Variants in CCSER1 observed in about 807,000 individuals in gnomAD.
The protein encoded by CCSER1 is coiled-coil serine rich protein 1.
In CCSER1, 41 loss-of-function variants were observed where a neutral mutation model predicts 82.0. The ratio of observed to expected loss-of-function variants is 0.50; its 90% CI spans 0.39 to 0.65. The LOEUF (loss-of-function observed/expected upper bound fraction) is 0.65, where lower values mean the gene tolerates loss of function less well. Ranked by LOEUF, CCSER1 falls within the 30% of genes least tolerant of loss-of-function variation. The pLI is 0.00. For synonymous variants in CCSER1, 414 were observed against 383.9 expected, an observed-to-expected ratio of 1.08 and a Z score of -0.92; for missense variants, 1,119 against 1,064.2, an observed-to-expected ratio of 1.05 and a Z score of -0.72.
intron 9 of CCSER1, among the ~76,000 whole-genome samples, chr4:90,959,875 A>T (rs1347415438): frequency 2.0e-5 from 3 of 151,804 alleles, no homozygotes; most frequent in African/African-American, 7.3e-5. Context: ...CTGTCATTTA[A>T]TACACATGCT....
At chr4:90,193,920 A>G (rs934925080) in intron 1 of CCSER1, among the ~76,000 whole-genome samples, 3 of 152,088 alleles carry the variant, frequency 2.0e-5, no homozygotes, top group African/African-American at 7.2e-5. Context: ...TTCTCTATTT[A>G]ACATATTTGG....
chr4:91,199,784 T>A (rs4692962), intron 10 of CCSER1, among the ~76,000 whole-genome samples: 61,150 of 151,600 alleles, frequency 0.4, 13,047 homozygotes, highest in East Asian at 0.86. Context: ...ACAAGAAATC[T>A]ATCTTATTTG....
intron 10 of CCSER1, among the ~76,000 whole-genome samples, chr4:91,447,945 T>C (rs1755661555): frequency 6.6e-6 from 1 of 152,080 alleles, no homozygotes; most frequent in Non-Finnish European, 1.5e-5. Flanking sequence ...ATTAAGTGTA[T>C]ATTATGTTTT....
intron 1 of CCSER1, among the ~76,000 whole-genome samples, chr4:90,292,490 T>C (rs766634274): frequency 3.3e-5 from 5 of 151,924 alleles, no homozygotes; most frequent in Non-Finnish European, 7.4e-5. Flanking sequence ...TATTAATGAA[T>C]GTGATCATTA....
chr4:91,246,397 T>G (rs1264578706), intron 10 of CCSER1, among the ~76,000 whole-genome samples: 1 of 152,064 alleles, frequency 6.6e-6, no homozygotes, highest in African/African-American at 2.4e-5. Context: ...AGCGAGAAAT[T>G]AAAGCATATC....
At chr4:91,122,896 A>T (rs983768188) in intron 10 of CCSER1, among the ~76,000 whole-genome samples, 1 of 151,754 alleles carries the variant, frequency 6.6e-6, no homozygotes, top group African/African-American at 2.4e-5. Flanking sequence ...GTTAATTAAC[A>T]TCTTACAATG....
chr4:90,283,531 C>T (rs1729258195), intron 1 of CCSER1, among the ~76,000 whole-genome samples: 1 of 151,980 alleles, frequency 6.6e-6, no homozygotes, highest in African/African-American at 2.4e-5. Flanking sequence ...CAGTTCCACT[C>T]TTCTAGTAAT....
chr4:90,139,187 A>G (rs1724263474), intron 1 of CCSER1, among the ~76,000 whole-genome samples: 1 of 152,222 alleles, frequency 6.6e-6, no homozygotes, highest in East Asian at 1.9e-4. Flanking sequence ...GGACTAAGTC[A>G]TCATAGAGAA....
chr4:91,237,699 G>A (rs554809118), intron 10 of CCSER1, among the ~76,000 whole-genome samples: 1 of 152,178 alleles, frequency 6.6e-6, no homozygotes, highest in Admixed American at 6.5e-5. Flanking sequence ...CTCTAGATTG[G>A]GGAGAGAGAG....
At chr4:90,414,625 T>C (rs1755516866) in intron 4 of CCSER1, among the ~76,000 whole-genome samples, 1 of 152,178 alleles carries the variant, frequency 6.6e-6, no homozygotes, top group Non-Finnish European at 1.5e-5. Flanking sequence ...TTGTATAGTA[T>C]TGTTTTTGTC....
At chr4:91,079,696 T>C (rs886659540) in intron 9 of CCSER1, among the ~76,000 whole-genome samples, 2 of 152,100 alleles carry the variant, frequency 1.3e-5, no homozygotes, top group Non-Finnish European at 2.9e-5. Flanking sequence ...GAGACAAATA[T>C]AGGCTCAAAA....
intron 10 of CCSER1, among the ~76,000 whole-genome samples, chr4:91,298,675 A>G (rs1251345576): frequency 6.6e-6 from 1 of 152,028 alleles, no homozygotes; most frequent in African/African-American, 2.4e-5. Flanking sequence ...CCTTCTTTAC[A>G]GTTTTAAGTT....
chr4:90,229,746 C>T (rs553214948), intron 1 of CCSER1, among the ~76,000 whole-genome samples: 8 of 152,028 alleles, frequency 5.3e-5, no homozygotes, highest in East Asian at 1.9e-4. Context: ...CAGAGACACA[C>T]GTAGGCTCAA....
intron 7 of CCSER1, among the ~76,000 whole-genome samples, chr4:90,803,028 G>C (rs1718707263): frequency 6.6e-6 from 1 of 151,832 alleles, no homozygotes; most frequent in South Asian, 2.1e-4. Flanking sequence ...AAATCTTACA[G>C]TAAAGCCCTC....
intron 10 of CCSER1, among the ~76,000 whole-genome samples, chr4:91,229,181 G>T (rs2149112158): frequency 6.6e-6 from 1 of 151,570 alleles, no homozygotes; most frequent in African/African-American, 2.4e-5. Context: ...ACAAAACCTT[G>T]TGTTTTACAG....
chr4:91,044,402 C>T (rs975150910), intron 9 of CCSER1, among the ~76,000 whole-genome samples: 3 of 152,144 alleles, frequency 2.0e-5, no homozygotes, highest in South Asian at 4.1e-4. Context: ...CTTTGCAGCG[C>T]ACAAAATGTT....
rs773838242 is a variant in CCSER1, at chr4:90,895,434, T to G, written c.2095-27936T>G. Among the ~76,000 whole-genome samples the G allele has an allele frequency of 1.4e-4, 21 of 151,906 alleles. 1 individual carries two copies. The highest frequency in any genetic ancestry group is 2.4e-4 in the Non-Finnish European group (16 of 67,900). On this transcript the variant is annotated intron_variant, in intron 8 of 10. Coordinates refer to ENST00000509176, the MANE Select transcript of CCSER1 (RefSeq NM_001145065.2). ...AATTGTTTACAAGAGATTGGTAACA[T>G]TAGACAACTCAAACTGGGTTGTTCT...
intron 10 of CCSER1, among the ~76,000 whole-genome samples, chr4:91,350,842 A>G (rs6532301): frequency 0.68 from 102,650 of 151,758 alleles, 35,390 homozygotes; most frequent in East Asian, 0.89. Flanking sequence ...TGATGTTACA[A>G]TGGTTAATTT....
At chr4:91,253,193 A>G (rs1292499469) in intron 10 of CCSER1, among the ~76,000 whole-genome samples, 1 of 152,160 alleles carries the variant, frequency 6.6e-6, no homozygotes, top group African/African-American at 2.4e-5. Flanking sequence ...AATGAGGATA[A>G]AGACCTATAT....
Sources: gnomAD v4.1 joint callset for allele counts (sites outside exome capture counted in the v4.1 genomes callset) on GRCh38, gnomAD v4.1.1 for gene constraint, MANE v1.5 for transcripts, NCBI Gene and HGNC (gene_info 2026-07-23, HGNC 2026-07-21) for gene names.